The following HIVEP2 variants were observed in gnomAD, a reference collection of about 807,000 sequenced individuals.
HIVEP2 encodes the protein transcription factor HIVEP2.
HIVEP2 carries 14 observed loss-of-function variants against 180.7 expected under a neutral mutation model. That is an observed-to-expected ratio of 0.08 (90% CI 0.05 to 0.12). The LOEUF (loss-of-function observed/expected upper bound fraction) is 0.12, where lower values mean the gene tolerates loss of function less well. Ranked by LOEUF, HIVEP2 falls within the 10% of genes least tolerant of loss-of-function variation. The pLI, the probability that HIVEP2 is intolerant of heterozygous loss-of-function variation, is 1.00. For synonymous variants in HIVEP2, 1,184 were observed against 1,136.4 expected (o/e 1.04, Z -0.84); for missense variants, 2,579 against 3,008.5 (o/e 0.86, Z 3.34).
chr6:142,826,761 A>G (rs533452346), intron 2 of HIVEP2, among the ~76,000 whole-genome samples: 9 of 152,332 alleles, frequency 5.9e-5, no homozygotes, highest in Middle Eastern at 3.4e-3. Flanking sequence ...TAGAAACATT[A>G]GTATATAATA....
intron 2 of HIVEP2, among the ~76,000 whole-genome samples, chr6:142,824,149 T>C (rs1438549851): frequency 6.6e-6 from 1 of 152,174 alleles, no homozygotes; most frequent in Non-Finnish European, 1.5e-5. Context: ...TTAGTATATA[T>C]AATTGCTTTT....
At position 142,764,930 on chromosome 6, in the gene HIVEP2, C is replaced by T. The variant is rs750329426; in HGVS notation, c.5387G>A (p.Arg1796Gln). The T allele has an allele frequency of 1.9e-6, 3 of 1,613,774 alleles. No homozygotes were observed. The highest frequency in any genetic ancestry group is 2.2e-5 in the East Asian group (1 of 44,864). ...ACATTCTTCACAAATGTACTTTCCC[C>T]GGCCACGTCCTCTGACATATACATA... Reference protein sequence around the residue: ...EDYVYVRGRGRGKYICEECGI... With the variant: ...EDYVYVRGRGQGKYICEECGI... Residue 1796 changes from arginine to glutamine, a missense_variant, in exon 7 of 10, where the codon CGG becomes CAG. Coordinates refer to ENST00000367603, the MANE Select transcript of HIVEP2 (RefSeq NM_006734.4).
intron 1 of HIVEP2, among the ~76,000 whole-genome samples, chr6:142,914,182 TATC>T (rs1241683336): frequency 2.6e-5 from 4 of 152,196 alleles, no homozygotes; most frequent in Non-Finnish European, 5.9e-5. Flanking sequence ...CAGCCACAGT[TATC>T]ATGTGCCATC....
In HIVEP2 at chr6:142,773,333, T is replaced by G; in HGVS notation, c.1406A>C (p.Lys469Thr). ...CTGTGAAACAGGATCTTCAAACATC[T>G]TGACATCTAACCTGGTGTTAACGTG... ...LPHVNTRLDV[K>T]MFEDPVSQLI... The change falls in exon 5 of 10, where the codon AAG (lysine) becomes ACG (threonine). Residue 469 changes from lysine (K) to threonine (T), a missense_variant. Physicochemically the swap from Lys to Thr is moderately conservative, Grantham distance 78. This residue lies in a region of HIVEP2 where 524 missense variants were observed against 563.6 expected (regional missense o/e 0.93). Transcript: ENST00000367603. 1 of 1,614,204 alleles carries G rather than the reference T, an allele frequency of 6.2e-7. No homozygotes were observed. Among genetic ancestry groups the G allele is most frequent in the Non-Finnish European group, 8.5e-7 (1 of 1,180,030 alleles).
At chr6:142,877,351 T>C (rs1186727732) in intron 1 of HIVEP2, among the ~76,000 whole-genome samples, 1 of 152,164 alleles carries the variant, frequency 6.6e-6, no homozygotes, top group Non-Finnish European at 1.5e-5. Context: ...GAAGAAAATA[T>C]GGCCACAATA....
At chr6:142,843,301 A>T (rs892259871) in intron 1 of HIVEP2, among the ~76,000 whole-genome samples, 2 of 152,194 alleles carry the variant, frequency 1.3e-5, no homozygotes, top group Non-Finnish European at 2.9e-5. Context: ...AACACTTACT[A>T]GTTACCTGTG....
intron 1 of HIVEP2, among the ~76,000 whole-genome samples, chr6:142,902,147 C>T (rs1227162628): frequency 6.6e-6 from 1 of 152,078 alleles, no homozygotes; most frequent in Non-Finnish European, 1.5e-5. Context: ...GGGCTGACTT[C>T]CAAAGAATAG....
At chr6:142,797,558 T>C (rs1336693516) in intron 2 of HIVEP2, among the ~76,000 whole-genome samples, 4 of 152,148 alleles carry the variant, frequency 2.6e-5, no homozygotes, top group Admixed American at 6.6e-5. Flanking sequence ...GGCGCCCAGA[T>C]AGTATGGACA....
At position 142,943,376 on chromosome 6, in the gene HIVEP2, A is replaced by T. The variant is rs1312890930; in HGVS notation, c.-641+1723T>A. Among the ~76,000 whole-genome samples the T allele has an allele frequency of 6.6e-6, 1 of 152,244 alleles. No individual in the cohort carries two copies. Among genetic ancestry groups the T allele is most frequent in the Non-Finnish European group, 1.5e-5 (1 of 68,044 alleles). The stretch of plus-strand genomic sequence containing the variant: ...TTTGCTCAAGGGCAAATATCACCAA[A>T]TATTACTATATCACTGGAGGAAACG... On this transcript the variant is annotated intron_variant, in intron 1 of 9. Transcript: ENST00000367603. This position sits in a 1 kb window ranked among gnomAD's most constrained non-coding sequence, Gnocchi z 4.5.
chr6:142,864,566 G>A (rs1776088482), intron 1 of HIVEP2, among the ~76,000 whole-genome samples: 1 of 152,172 alleles, frequency 6.6e-6, no homozygotes, highest in South Asian at 2.1e-4. Context: ...GAGGAACAAA[G>A]AAAACTGGAG....
chr6:142,898,943 T>C lies in HIVEP2; in HGVS notation c.-641+46156A>G, dbSNP rs146949873. Among the ~76,000 whole-genome samples, 1,219 of 152,318 alleles carry C rather than the reference T, an allele frequency of 8.0e-3. 6 individuals are homozygous for C. Among genetic ancestry groups the C allele is most frequent in the Non-Finnish European group, 0.012 (816 of 68,026 alleles). On this transcript the variant is annotated intron_variant, in intron 1 of 9. Transcript: ENST00000367603. ...TCGCTTGAATATTACTGTAATTGTCTGCACACCATGTCTCCCAAATCCGGG... is the reference window on the plus strand; with the variant it reads ...TCGCTTGAATATTACTGTAATTGTCCGCACACCATGTCTCCCAAATCCGGG...
intron 1 of HIVEP2, among the ~76,000 whole-genome samples, chr6:142,883,502 A>T (rs1776625843): frequency 6.6e-6 from 1 of 152,208 alleles, no homozygotes; most frequent in Admixed American, 6.5e-5. Flanking sequence ...AGAATACATA[A>T]CCCTCCTACA....
At chr6:142,766,741 C>T (rs1202768823) in intron 6 of HIVEP2, among the ~76,000 whole-genome samples, 1 of 151,926 alleles carries the variant, frequency 6.6e-6, no homozygotes, top group East Asian at 1.9e-4. Context: ...TTCTACAGGC[C>T]CATGAATCTA....
chr6:142,846,432 C>A (rs1197507847), intron 1 of HIVEP2, among the ~76,000 whole-genome samples: 2 of 152,198 alleles, frequency 1.3e-5, no homozygotes, highest in African/African-American at 4.8e-5. Flanking sequence ...TCTCCCGGTC[C>A]CCTTAATAGG....
Position 142,771,845 on chromosome 6 carries a change from C to G in HIVEP2, c.2894G>C (p.Arg965Pro), listed in dbSNP as rs772259068. ...CAAGTTGCTTTCTTGGCTGGGGCTG[C>G]GGGAGAGGCCTGTGCCTGTGGATTC... ...SFESTGTGLS[R>P]SPSQESNLSH... Residue 965 changes from arginine to proline, a missense_variant, in exon 5 of 10, where the codon CGC becomes CCC. Coordinates refer to ENST00000367603, the MANE Select transcript of HIVEP2 (RefSeq NM_006734.4). This position sits in a 1 kb window ranked among gnomAD's most constrained non-coding sequence, Gnocchi z 5.4. 1 of 1,614,176 alleles carries G rather than the reference C, an allele frequency of 6.2e-7. No individual in the cohort carries two copies. The highest frequency in any genetic ancestry group is 1.7e-5 in the Admixed American group (1 of 60,020).
At chr6:142,815,058 A>G (rs1456110559) in intron 2 of HIVEP2, among the ~76,000 whole-genome samples, 3 of 152,178 alleles carry the variant, frequency 2.0e-5, no homozygotes, top group African/African-American at 7.2e-5. Context: ...CAAGAGAGGG[A>G]CAAAGGGGGC....
chr6:142,854,313 A>AG (rs1387731013), intron 1 of HIVEP2, among the ~76,000 whole-genome samples: 2 of 152,192 alleles, frequency 1.3e-5, no homozygotes, highest in African/African-American at 4.8e-5. Flanking sequence ...TGCACAGGAT[A>AG]GTCGCCCACA....
intron 3 of HIVEP2, among the ~76,000 whole-genome samples, chr6:142,782,931 C>T (rs534745387): frequency 6.6e-6 from 1 of 152,268 alleles, no homozygotes; most frequent in East Asian, 1.9e-4. Flanking sequence ...GATGTTTTCT[C>T]ATTATACAGC....
In HIVEP2 at chr6:142,771,030, G is replaced by A. The variant is rs747418884; in HGVS notation, c.3709C>T (p.His1237Tyr). The change falls in exon 5 of 10, where the codon CAC becomes TAC. Residue 1237 changes from histidine (H) to tyrosine (Y), a missense_variant. Physicochemically the swap from His to Tyr is moderately conservative, Grantham distance 83. This residue lies in a region of HIVEP2 where 523 missense variants were observed against 577.0 expected (regional missense o/e 0.91). Coordinates refer to ENST00000367603, the MANE Select transcript of HIVEP2 (RefSeq NM_006734.4). The surrounding 1 kb of genome is among the most constrained non-coding windows in gnomAD (Gnocchi z 5.4). ...GGCTTGCCATAGCTCTTCTGAGGGT[G>A]CTGAGCAAAGGGATGTGGGAAATGT... ...QAHFPHPFAQ[H>Y]PQKSYGKPSF... 1 of 1,614,210 alleles carries A rather than the reference G, an allele frequency of 6.2e-7. No individual in the cohort carries two copies. The highest frequency in any genetic ancestry group is 1.1e-5 in the South Asian group (1 of 91,084).
Sources: allele counts gnomAD v4.1 joint callset (sites outside exome capture counted in the v4.1 genomes callset), GRCh38; gene constraint gnomAD v4.1.1; regional missense constraint gnomAD v4.1.1; non-coding constraint Gnocchi (gnomAD v3.1); transcripts MANE v1.5; gene names NCBI Gene and HGNC (gene_info 2026-07-23, HGNC 2026-07-21).